RPH3A: variants seen among roughly 807,000 people sequenced by gnomAD.
RPH3A encodes rabphilin 3A.
In RPH3A, 48 loss-of-function variants were observed where a neutral mutation model predicts 102.2. The observed-to-expected ratio is 0.47, with a 90% CI of 0.37 to 0.60. The LOEUF is 0.60. Among genes scored for constraint, RPH3A ranks in the 20% least tolerant of loss-of-function variants. The pLI is 0.00. For synonymous variants in RPH3A, 310 were observed against 324.3 expected, an observed-to-expected ratio of 0.96 and a Z score of 0.47; for missense variants, 781 against 910.1, an observed-to-expected ratio of 0.86 and a Z score of 1.83.
Position 112,894,617 on chromosome 12 carries a change from G to C in RPH3A, c.1815G>C (p.Lys605Asn). The change falls in exon 20 of 22, where the codon AAG (lysine) becomes AAC (asparagine). Residue 605 changes from lysine to asparagine, a missense_variant. Transcript: ENST00000389385. The part of the protein sequence containing the change: ...KPDMGKKAKH[K>N]TQIKKKTLNP... ...ACATGGGAAAGAAGGCCAAACACAA[G>C]ACTCAAATTAAAAAGAAAACCTTGA... The C allele has an allele frequency of 1.2e-6, 2 of 1,613,894 alleles. No homozygotes were observed. The highest frequency in any genetic ancestry group is 1.7e-6 in the Non-Finnish European group (2 of 1,179,970).
chr12:112,755,020 G>C (rs890791945), intron 1 of RPH3A, among the ~76,000 whole-genome samples: 2 of 152,152 alleles, frequency 1.3e-5, no homozygotes, highest in African/African-American at 4.8e-5. Flanking sequence ...GGTAGTAACT[G>C]GATCTGCTTA....
chr12:112,695,691 A>G (rs893519869), intron 1 of RPH3A, among the ~76,000 whole-genome samples: 1 of 152,254 alleles, frequency 6.6e-6, no homozygotes, highest in Admixed American at 6.5e-5. Flanking sequence ...AGATTGGCCC[A>G]AAGATGGCCA....
At chr12:112,598,256 C>T (rs1475594812) in intron 1 of RPH3A, among the ~76,000 whole-genome samples, 2 of 152,198 alleles carry the variant, frequency 1.3e-5, no homozygotes, top group African/African-American at 4.8e-5. Context: ...AAGGAGTGTT[C>T]TCTCATTGAC....
chr12:112,609,861 G>T (rs181253281), intron 1 of RPH3A, among the ~76,000 whole-genome samples: 1 of 152,204 alleles, frequency 6.6e-6, no homozygotes, highest in Non-Finnish European at 1.5e-5. Context: ...AATGGTCCTG[G>T]TGTCCATGGT....
At chr12:112,662,218 A>T (rs1415986152) in intron 1 of RPH3A, among the ~76,000 whole-genome samples, 1 of 152,138 alleles carries the variant, frequency 6.6e-6, no homozygotes, top group Non-Finnish European at 1.5e-5. Context: ...GAAGCTCTTT[A>T]TCTATTGTAA....
chr12:112,583,668 A>G (rs2039416605), intron 1 of RPH3A, among the ~76,000 whole-genome samples: 1 of 151,896 alleles, frequency 6.6e-6, no homozygotes, highest in Admixed American at 6.6e-5. Flanking sequence ...TCCTATATCC[A>G]TGCCTCAGTT....
intron 4 of RPH3A, among the ~76,000 whole-genome samples, chr12:112,846,751 T>C (rs1051910246): frequency 1.3e-5 from 2 of 152,176 alleles, no homozygotes; most frequent in African/African-American, 4.8e-5. Context: ...GAGCCTTGGG[T>C]CATGGACCAT....
chr12:112,701,580 T>C (rs2040394497), intron 1 of RPH3A, among the ~76,000 whole-genome samples: 2 of 152,010 alleles, frequency 1.3e-5, no homozygotes, highest in South Asian at 4.2e-4. Context: ...TTCAGCTGAG[T>C]GTGGGAGGAT....
At chr12:112,712,993 G>C (rs55822703) in intron 1 of RPH3A, among the ~76,000 whole-genome samples, 2 of 58,972 alleles carry the variant, frequency 3.4e-5, no homozygotes, top group African/African-American at 7.4e-5. Flanking sequence ...CGTCGTCTTT[G>C]TCTTCCTCTT....
At chr12:112,885,070 T>C (rs2042983069) in intron 16 of RPH3A, among the ~76,000 whole-genome samples, 1 of 152,230 alleles carries the variant, frequency 6.6e-6, no homozygotes, top group South Asian at 2.1e-4. Flanking sequence ...TATTTAGTAT[T>C]TTATTGCAGG....
At chr12:112,581,201 T>G (rs929121063) in intron 1 of RPH3A, among the ~76,000 whole-genome samples, 3 of 152,172 alleles carry the variant, frequency 2.0e-5, no homozygotes, top group Non-Finnish European at 2.9e-5. Flanking sequence ...GAGATTTAAT[T>G]GACTCACAGT....
At chr12:112,738,616 C>T (rs943338819) in intron 1 of RPH3A, among the ~76,000 whole-genome samples, 8 of 151,952 alleles carry the variant, frequency 5.3e-5, no homozygotes, top group Non-Finnish European at 1.0e-4. Flanking sequence ...GGGAAGGGTC[C>T]CCTGGAAGGT....
At chr12:112,673,478 A>G (rs1181388910) in intron 1 of RPH3A, among the ~76,000 whole-genome samples, 2 of 151,838 alleles carry the variant, frequency 1.3e-5, no homozygotes, top group African/African-American at 4.8e-5. Flanking sequence ...CTACAGGTGC[A>G]TGCCACCATC....
intron 1 of RPH3A, among the ~76,000 whole-genome samples, chr12:112,642,913 T>C (rs972110393): frequency 1.3e-5 from 2 of 152,190 alleles, no homozygotes; most frequent in African/African-American, 4.8e-5. Context: ...GAGATACTTT[T>C]TGGTTGTCTC....
chr12:112,581,695 A>G (rs1448543809), intron 1 of RPH3A, among the ~76,000 whole-genome samples: 2 of 149,598 alleles, frequency 1.3e-5, no homozygotes, highest in African/African-American at 4.9e-5. Flanking sequence ...CCTGGCCACG[A>G]ACAACATTTT....
At chr12:112,871,755 T>C (rs981002433) in intron 10 of RPH3A, among the ~76,000 whole-genome samples, 1 of 149,398 alleles carries the variant, frequency 6.7e-6, no homozygotes, top group Admixed American at 6.7e-5. Flanking sequence ...CAATAGAATA[T>C]ATAGAAACAG....
chr12:112,683,631 T>C (rs1006057187), intron 1 of RPH3A, among the ~76,000 whole-genome samples: 1 of 152,154 alleles, frequency 6.6e-6, no homozygotes, highest in African/African-American at 2.4e-5. Context: ...TTGGGTACCC[T>C]CTGAGTGACT....
At position 112,855,946 on chromosome 12, in the gene RPH3A, G is replaced by C. The variant is rs141230474; in HGVS notation, c.230+8104G>C. Among the ~76,000 whole-genome samples the C allele has an allele frequency of 3.2e-3, 485 of 152,240 alleles. 3 individuals are homozygous for C. The highest frequency in any genetic ancestry group is 0.028 in the South Asian group (136 of 4,822). On this transcript the variant is annotated intron_variant, in intron 5 of 21. Transcript: ENST00000389385. Reference sequence around the variant, plus strand: ...GACAGAGAAAGAGGCAAAAATCAGAGAGAGACAGAGAGGGGCAACATGACA... The same window carrying C: ...GACAGAGAAAGAGGCAAAAATCAGACAGAGACAGAGAGGGGCAACATGACA...
chr12:112,815,156 G>A (rs1254217442), intron 2 of RPH3A, among the ~76,000 whole-genome samples: 1 of 152,182 alleles, frequency 6.6e-6, no homozygotes, highest in Non-Finnish European at 1.5e-5. Flanking sequence ...AAGCCAGAGG[G>A]CCAGGAGCCT....
Sources: gnomAD v4.1 joint callset for allele counts (sites outside exome capture counted in the v4.1 genomes callset) on GRCh38, gnomAD v4.1.1 for gene constraint, MANE v1.5 for transcripts, NCBI Gene and HGNC (gene_info 2026-07-23, HGNC 2026-07-21) for gene names.